TUSC3: variants seen among roughly 807,000 people sequenced by gnomAD.
TUSC3 encodes tumor suppressor candidate 3.
Under a neutral mutation model 44.8 loss-of-function variants are expected in TUSC3, and 45 were observed. That is an observed-to-expected ratio of 1.00 (90% CI 0.79 to 1.29). The LOEUF is 1.29. TUSC3 is among the 50% of genes most tolerant of loss of function. TUSC3 has a pLI of 0.00. For missense variants in TUSC3, 519 were observed against 437.9 expected (o/e 1.19, Z -1.65); for synonymous variants, 212 against 152.9 (o/e 1.39, Z -2.85).
chr8:15,826,026 G>A, the TUSC3 span, among the ~76,000 whole-genome samples: 6 of 151,816 alleles, frequency 4.0e-5, no homozygotes, highest in Non-Finnish European at 7.4e-5. Flanking sequence ...TGCTACTGAA[G>A]TGTTATCAGT....
the TUSC3 span, among the ~76,000 whole-genome samples, chr8:15,791,486 G>A: frequency 6.6e-6 from 1 of 152,076 alleles, no homozygotes; most frequent in Admixed American, 6.6e-5. Flanking sequence ...AACTGGATTA[G>A]AAATCATCTA....
At chr8:15,471,384 A>T (rs907293491) in intron 1 of TUSC3, among the ~76,000 whole-genome samples, 1 of 152,084 alleles carries the variant, frequency 6.6e-6, no homozygotes, top group African/African-American at 2.4e-5. Context: ...ACATCTTTTC[A>T]CTTAGAGCTG....
At chr8:15,751,458 A>C (rs1811699507) in intron 9 of TUSC3, among the ~76,000 whole-genome samples, 1 of 152,036 alleles carries the variant, frequency 6.6e-6, no homozygotes, top group Admixed American at 6.6e-5. Flanking sequence ...TTTGGCTCCC[A>C]CCTATATATA....
intron 2 of TUSC3, among the ~76,000 whole-genome samples, chr8:15,646,356 C>G (rs982260367): frequency 3.3e-5 from 5 of 152,010 alleles, no homozygotes; most frequent in Non-Finnish European, 5.9e-5. Context: ...GACTTTTATT[C>G]TTCCCATTAT....
chr8:15,742,122 C>G (rs962442262), intron 7 of TUSC3, among the ~76,000 whole-genome samples: 1 of 148,770 alleles, frequency 6.7e-6, no homozygotes, highest in Non-Finnish European at 1.5e-5. Flanking sequence ...TTTCAGGCTA[C>G]TGCCTACATG....
intron 8 of TUSC3, among the ~76,000 whole-genome samples, chr8:15,745,587 C>T (rs1466734275): frequency 6.6e-6 from 1 of 151,772 alleles, no homozygotes; most frequent in Non-Finnish European, 1.5e-5. Context: ...TGTTTACTGG[C>T]CACTTGTCTG....
At chr8:15,680,503 T>G (rs761534168) in intron 6 of TUSC3, among the ~76,000 whole-genome samples, 2 of 152,146 alleles carry the variant, frequency 1.3e-5, no homozygotes, top group African/African-American at 4.8e-5. Context: ...GTATTTAGGG[T>G]TTTCTAGATA....
At chr8:15,803,669 C>T in the TUSC3 span, among the ~76,000 whole-genome samples, 1 of 152,114 alleles carries the variant, frequency 6.6e-6, no homozygotes, top group Non-Finnish European at 1.5e-5. Context: ...AGGTTTTAAG[C>T]CCTGCATGCA....
intron 7 of TUSC3, among the ~76,000 whole-genome samples, chr8:15,737,309 A>C (rs1563197941): frequency 6.6e-6 from 1 of 152,162 alleles, no homozygotes; most frequent in East Asian, 1.9e-4. Flanking sequence ...AAACATCTTG[A>C]TTCCATTCCT....
chr8:15,718,627 A>G (rs984145394), intron 6 of TUSC3, among the ~76,000 whole-genome samples: 3 of 152,134 alleles, frequency 2.0e-5, no homozygotes, highest in African/African-American at 7.2e-5. Flanking sequence ...AACTTCATGG[A>G]CAAATAATGT....
At chr8:15,506,570 C>A (rs899342347) in intron 2 of TUSC3, among the ~76,000 whole-genome samples, 1 of 152,132 alleles carries the variant, frequency 6.6e-6, no homozygotes, top group Admixed American at 6.5e-5. Flanking sequence ...GGAGGCCTCA[C>A]AATCATGGCA....
At chr8:15,604,955 C>T (rs1382194577) in intron 1 of TUSC3, among the ~76,000 whole-genome samples, 3 of 151,746 alleles carry the variant, frequency 2.0e-5, no homozygotes, top group African/African-American at 7.3e-5. Context: ...TCTGGGATTG[C>T]TTTCTTCAGT....
intron 1 of TUSC3, among the ~76,000 whole-genome samples, chr8:15,620,475 C>T (rs891090093): frequency 4.6e-5 from 7 of 151,884 alleles, no homozygotes; most frequent in African/African-American, 1.7e-4. Context: ...TGACTGTGTA[C>T]CCTGAAATCT....
chr8:15,556,399 A>G (rs1020988495), intron 1 of TUSC3, among the ~76,000 whole-genome samples: 3 of 151,238 alleles, frequency 2.0e-5, no homozygotes, highest in Admixed American at 2.0e-4. Context: ...AATCCAGTCT[A>G]TCATTGTTGG....
intron 1 of TUSC3, among the ~76,000 whole-genome samples, chr8:15,548,390 G>C (rs571234174): frequency 3.9e-5 from 6 of 151,906 alleles, no homozygotes; most frequent in African/African-American, 1.4e-4. Flanking sequence ...GTGAGTATAT[G>C]ATACAGTTGT....
intron 6 of TUSC3, among the ~76,000 whole-genome samples, chr8:15,692,033 G>A (rs1463117284): frequency 2.0e-5 from 3 of 152,134 alleles, no homozygotes; most frequent in East Asian, 1.9e-4. Context: ...CACCCACCAC[G>A]GCTTCCCAAA....
the TUSC3 span, among the ~76,000 whole-genome samples, chr8:15,832,129 G>C: frequency 2.6e-5 from 4 of 152,152 alleles, no homozygotes; most frequent in Non-Finnish European, 4.4e-5. Context: ...AAGAGATTGA[G>C]GGCCAGCACT....
intron 2 of TUSC3, among the ~76,000 whole-genome samples, chr8:15,491,649 T>C (rs1300627916): frequency 1.3e-5 from 2 of 152,188 alleles, no homozygotes; most frequent in Non-Finnish European, 2.9e-5. Context: ...TTCTGTGCAA[T>C]ATTCTTTCTC....
At chr8:15,423,700 G>A (rs1347205155) in intron 1 of TUSC3, among the ~76,000 whole-genome samples, 1 of 152,116 alleles carries the variant, frequency 6.6e-6, no homozygotes, top group Non-Finnish European at 1.5e-5. Flanking sequence ...AGCGGGGAGA[G>A]TGGGCTTTCT....
Sources: allele counts gnomAD v4.1 joint callset (sites outside exome capture counted in the v4.1 genomes callset), GRCh38; gene constraint gnomAD v4.1.1; transcripts MANE v1.5; gene names NCBI Gene and HGNC (gene_info 2026-07-23, HGNC 2026-07-21).